TSPAN8: variants seen among roughly 807,000 people sequenced by gnomAD.
TSPAN8 encodes the protein tetraspanin-8.
A neutral mutation model predicts 32.8 loss-of-function variants in TSPAN8; 21 were observed. That is an observed-to-expected ratio of 0.64 (90% confidence interval 0.45 to 0.92). The LOEUF is 0.92. TSPAN8 is among the 40% of genes least tolerant of loss of function. The pLI is 0.00. For synonymous variants in TSPAN8, 95 were observed against 94.6 expected, an observed-to-expected ratio of 1.00 and a Z score of -0.03; for missense variants, 269 against 281.9, an observed-to-expected ratio of 0.95 and a Z score of 0.33.
chr12:71,151,699 A>C (rs774096157), intron 2 of TSPAN8, among the ~76,000 whole-genome samples: 2 of 152,266 alleles, frequency 1.3e-5, no homozygotes, highest in Non-Finnish European at 2.9e-5. Flanking sequence ...CACAAGCCAC[A>C]GGGCATTATA....
intron 3 of TSPAN8, among the ~76,000 whole-genome samples, chr12:71,142,854 A>AAC (rs1871948191): frequency 1.3e-5 from 2 of 151,874 alleles, no homozygotes; most frequent in South Asian, 4.2e-4. Context: ...AAACAAAAAA[A>AAC]AAAAAAACAG....
rs543412709 is a variant in TSPAN8 at position 71,128,145 on chromosome 12, G to T, written c.660+1186C>A. Among the ~76,000 whole-genome samples the T allele has an allele frequency of 5.3e-5, 8 of 152,232 alleles. No individual in the cohort carries two copies. In the South Asian group the frequency reaches 1.7e-3, roughly 32 times the overall value. On this transcript the variant is annotated intron_variant, in intron 8 of 8. Coordinates refer to ENST00000247829, the MANE Select transcript of TSPAN8 (RefSeq NM_004616.3). ...CATATATCAGACCTAAAGAAAGACA[G>T]CCATAACCTACCAACAAAGAATGCT... is the stretch of plus-strand genomic sequence containing the variant.
rs141539653 is a variant in TSPAN8 at position 71,134,248 on chromosome 12, T to C, written c.445-1424A>G. On this transcript the variant is annotated intron_variant, in intron 6 of 8. Coordinates refer to ENST00000247829, the MANE Select transcript of TSPAN8 (RefSeq NM_004616.3). Reference sequence around the variant, plus strand: ...AATGCATTTGCTTTTATTGTTTTTGTTTTCATTGTTTGCTGTTGGTGTTGT... The same window carrying C: ...AATGCATTTGCTTTTATTGTTTTTGCTTTCATTGTTTGCTGTTGGTGTTGT... 3.9e-5 allele frequency among the ~76,000 whole-genome samples: 6 copies of C among 152,330 alleles called. 1 individual carries two copies. Among genetic ancestry groups the C allele is most frequent in the African/African-American group, 1.2e-4 (5 of 41,578 alleles).
chr12:71,135,143 T>C (rs768866490), intron 6 of TSPAN8, among the ~76,000 whole-genome samples: 2 of 151,906 alleles, frequency 1.3e-5, no homozygotes, highest in Non-Finnish European at 2.9e-5. Context: ...GGTAGGATTC[T>C]TTTCCCAAAG....
chr12:71,151,636 T>C (rs1227546957), intron 2 of TSPAN8, among the ~76,000 whole-genome samples: 1 of 152,222 alleles, frequency 6.6e-6, no homozygotes, highest in Non-Finnish European at 1.5e-5. Context: ...TAAGTAACAG[T>C]TGTAGACCTG....
At chr12:71,157,574 T>C (rs764532643) in intron 2 of TSPAN8, 45 bp downstream of exon 2, 2 of 1,300,688 alleles carry the variant, frequency 1.5e-6, no homozygotes, top group Admixed American at 1.7e-5. Context: ...TATATCAAGA[T>C]CCCCTTTCTT....
At chr12:71,135,818 G>T (rs1401403605) in intron 6 of TSPAN8, among the ~76,000 whole-genome samples, 1 of 152,148 alleles carries the variant, frequency 6.6e-6, no homozygotes, top group African/African-American at 2.4e-5. Flanking sequence ...CCTGGGAAGG[G>T]TCTGGGATGC....
In TSPAN8 at chr12:71,150,627, G is replaced by A. The variant is rs141389309; in HGVS notation, c.61-6414C>T. ...TAGAACCTACGTTGAAATACTGGGG[G>A]CACGTTCCCCCAATACTATATTAAT... On this transcript the variant is annotated intron_variant, in intron 2 of 8. Coordinates refer to ENST00000247829, the MANE Select transcript of TSPAN8 (RefSeq NM_004616.3). 4.9e-3 allele frequency among the ~76,000 whole-genome samples: 749 copies of A among 152,230 alleles called. 9 individuals are homozygous for A. The highest frequency in any genetic ancestry group is 0.017 in the African/African-American group (692 of 41,542).
At position 71,139,710 on chromosome 12, in the gene TSPAN8, C is replaced by T. The variant is rs879241510; in HGVS notation, c.261+1G>A. 6.2e-7 allele frequency: 1 copy of T among 1,613,164 alleles called. No homozygotes were observed. The highest frequency in any genetic ancestry group is 1.1e-5 in the South Asian group (1 of 90,994). The stretch of plus-strand genomic sequence containing the variant: ...CACTGGGATTTGTTTGGAGAACTCA[C>T]CAACAGAAGCATGCAGCGACTTTCT... On this transcript the variant is annotated splice_donor_variant, in intron 4 of 8. Coordinates refer to ENST00000247829, the MANE Select transcript of TSPAN8 (RefSeq NM_004616.3). LOFTEE classifies it high-confidence loss of function.
intron 8 of TSPAN8, among the ~76,000 whole-genome samples, chr12:71,125,916 G>A (rs1411467668): frequency 6.6e-6 from 1 of 152,034 alleles, no homozygotes; most frequent in African/African-American, 2.4e-5. Context: ...TAAACTATGG[G>A]GAACAGCTTA....
chr12:71,143,460 C>T (rs1871973259), intron 3 of TSPAN8, among the ~76,000 whole-genome samples: 1 of 152,134 alleles, frequency 6.6e-6, no homozygotes, highest in Non-Finnish European at 1.5e-5. Flanking sequence ...TCCTCCAGAC[C>T]TGTAGATCTG....
intron 2 of TSPAN8, among the ~76,000 whole-genome samples, chr12:71,153,944 C>G (rs1004296839): frequency 6.6e-6 from 1 of 152,148 alleles, no homozygotes; most frequent in Non-Finnish European, 1.5e-5. Flanking sequence ...AAAGATCTAA[C>G]TGAAAACTAC....
At chr12:71,133,448 A>G (rs760775619) in intron 6 of TSPAN8, among the ~76,000 whole-genome samples, 4 of 152,314 alleles carry the variant, frequency 2.6e-5, no homozygotes, top group African/African-American at 4.8e-5. Context: ...TTGTCAAAAA[A>G]GTTTCCAAAG....
In TSPAN8 at chr12:71,125,322, G is replaced by A. The variant is rs745449738; in HGVS notation, c.*12C>T. On this transcript the variant is annotated 3_prime_UTR_variant, in exon 9 of 9. Transcript: ENST00000247829. ...GGGGTTTGACTGACGATAGGTTGAT[G>A]CATCCACAGATTCATTTGTTCCCGA... 1.2e-6 allele frequency: 2 copies of A among 1,609,716 alleles called. No homozygotes were observed. Among genetic ancestry groups the A allele is most frequent in the Non-Finnish European group, 1.7e-6 (2 of 1,177,842 alleles).
chr12:71,135,262 AGAG>A (rs1278997233), intron 6 of TSPAN8, among the ~76,000 whole-genome samples: 688 of 47,632 alleles, frequency 0.014, 9 homozygotes, highest in African/African-American at 0.032. Context: ...GGAGGTAAGA[AGAG>A]GAGGAGGAGA....
At chr12:71,144,972 T>C (rs1872027158) in intron 2 of TSPAN8, among the ~76,000 whole-genome samples, 1 of 152,020 alleles carries the variant, frequency 6.6e-6, no homozygotes, top group Non-Finnish European at 1.5e-5. Context: ...AAAAAAGTTA[T>C]GCATTGTGGC....
At chr12:71,131,400 C>G (rs1280825502) in intron 7 of TSPAN8, among the ~76,000 whole-genome samples, 3 of 152,032 alleles carry the variant, frequency 2.0e-5, no homozygotes, top group African/African-American at 4.8e-5. Flanking sequence ...GGCAGAGCCT[C>G]TTTAATTTTG....
At chr12:71,144,252 G>A in intron 2 of TSPAN8, 39 bp from the exon 3 acceptor site, 1 of 1,582,004 alleles carries the variant, frequency 6.3e-7, no homozygotes, top group Non-Finnish European at 8.6e-7. Flanking sequence ...AATACAATTA[G>A]GATCATATGA....
chr12:71,144,874 A>G (rs1014149593), intron 2 of TSPAN8, among the ~76,000 whole-genome samples: 11 of 152,194 alleles, frequency 7.2e-5, no homozygotes, highest in Admixed American at 5.9e-4. Flanking sequence ...TTACCAGATT[A>G]TTTAATTTGG....
Sources: allele counts gnomAD v4.1 joint callset (sites outside exome capture counted in the v4.1 genomes callset), GRCh38; gene constraint gnomAD v4.1.1; transcripts MANE v1.5; gene names NCBI Gene and HGNC (gene_info 2026-07-23, HGNC 2026-07-21).